The following PHACTR4 variants were observed in gnomAD, a reference collection of about 807,000 sequenced individuals.
PHACTR4 encodes the protein phosphatase and actin regulator 4.
A neutral mutation model predicts 72.7 loss-of-function variants in PHACTR4; 51 were observed. That is an observed-to-expected ratio of 0.70 (90% CI 0.56 to 0.89). The LOEUF is 0.89. PHACTR4 is among the 40% of genes least tolerant of loss of function. PHACTR4 has a pLI of 0.00. For missense variants in PHACTR4, 731 were observed against 861.8 expected (o/e 0.85, Z 1.90); for synonymous variants, 255 against 302.5 (o/e 0.84, Z 1.63).
rs1659915288 is a variant in PHACTR4 at position 28,476,306 on chromosome 1, G to A, written c.1606+15G>A. On this transcript the variant is annotated intron_variant, in intron 8 of 13. Transcript: ENST00000373839. ...AAGCTATCAGAGTAAGAAAGGGAGG[G>A]AAAAGCAAAACAGAGAATTCTTTTC... 3 of 1,574,190 alleles carry A rather than the reference G, an allele frequency of 1.9e-6. No homozygotes were observed. The highest frequency in any genetic ancestry group is 1.7e-6 in the Non-Finnish European group (2 of 1,165,260).
intron 6 of PHACTR4, among the ~76,000 whole-genome samples, chr1:28,470,625 A>G (rs1275369474): frequency 6.6e-6 from 1 of 151,620 alleles, no homozygotes; most frequent in East Asian, 1.9e-4. Context: ...GAGCCCAGGG[A>G]GGTCAAAATT....
At chr1:28,380,460 T>C (rs1478380143) in intron 1 of PHACTR4, among the ~76,000 whole-genome samples, 1 of 152,140 alleles carries the variant, frequency 6.6e-6, no homozygotes, top group Admixed American at 6.6e-5. Context: ...ACTCAGGTAT[T>C]AAGCCTAGTG....
At chr1:28,439,006 A>G (rs983185941) in intron 2 of PHACTR4, among the ~76,000 whole-genome samples, 7 of 152,196 alleles carry the variant, frequency 4.6e-5, no homozygotes, top group African/African-American at 1.7e-4. Context: ...ATAGCTAGAG[A>G]GCAAGCTGAT....
At chr1:28,449,520 C>A (rs1037952488) in intron 2 of PHACTR4, among the ~76,000 whole-genome samples, 8 of 151,984 alleles carry the variant, frequency 5.3e-5, no homozygotes, top group Non-Finnish European at 1.0e-4. Flanking sequence ...ATGAAAGGTG[C>A]TAAGTGGTTT....
intron 1 of PHACTR4, among the ~76,000 whole-genome samples, chr1:28,401,887 C>G (rs1030887434): frequency 6.6e-6 from 1 of 152,194 alleles, no homozygotes; most frequent in Admixed American, 6.6e-5. Context: ...CCATCAGCCA[C>G]TGCATCCAGC....
At chr1:28,399,264 G>C (rs1653768263) in intron 1 of PHACTR4, among the ~76,000 whole-genome samples, 1 of 151,000 alleles carries the variant, frequency 6.6e-6, no homozygotes, top group South Asian at 2.1e-4. Context: ...GTAAGCCAAG[G>C]TCATGCCACT....
chr1:28,379,721 C>T (rs2124133229), intron 1 of PHACTR4, among the ~76,000 whole-genome samples: 1 of 151,756 alleles, frequency 6.6e-6, no homozygotes, highest in Non-Finnish European at 1.5e-5. Flanking sequence ...TCCCGAGTAG[C>T]TGGGACTACA....
At chr1:28,458,637 A>G (rs1310350257) in intron 2 of PHACTR4, among the ~76,000 whole-genome samples, 1 of 152,216 alleles carries the variant, frequency 6.6e-6, no homozygotes, top group Non-Finnish European at 1.5e-5. Context: ...TAAGTAAGGT[A>G]CTAACAATGT....
intron 2 of PHACTR4, among the ~76,000 whole-genome samples, chr1:28,443,332 A>G (rs1657186808): frequency 6.6e-6 from 1 of 151,710 alleles, no homozygotes; most frequent in Admixed American, 6.6e-5. Context: ...CCGAGGCTGG[A>G]GTGCAGTGGC....
intron 2 of PHACTR4, among the ~76,000 whole-genome samples, chr1:28,423,379 A>T (rs1006946115): frequency 3.3e-5 from 5 of 151,980 alleles, no homozygotes; most frequent in Admixed American, 3.3e-4. Flanking sequence ...ACTACACTCC[A>T]GCCTGGGCAA....
intron 1 of PHACTR4, among the ~76,000 whole-genome samples, chr1:28,393,360 A>G (rs1653209402): frequency 6.6e-6 from 1 of 152,214 alleles, no homozygotes; most frequent in Non-Finnish European, 1.5e-5. Flanking sequence ...GCAAACCACT[A>G]TAGTAGGCTC....
intron 2 of PHACTR4, among the ~76,000 whole-genome samples, chr1:28,450,198 A>G (rs149391232): frequency 6.9e-4 from 105 of 152,238 alleles, no homozygotes; most frequent in African/African-American, 2.5e-3. Flanking sequence ...TACATGACTC[A>G]AAGAAAAAGG....
intron 1 of PHACTR4, among the ~76,000 whole-genome samples, chr1:28,395,703 C>T (rs1297256351): frequency 4.8e-5 from 7 of 146,542 alleles, no homozygotes; most frequent in African/African-American, 1.8e-4. Flanking sequence ...GCAATGGCAC[C>T]ATCTTGGCTC....
intron 1 of PHACTR4, among the ~76,000 whole-genome samples, chr1:28,390,078 A>G (rs937676129): frequency 3.9e-5 from 6 of 152,208 alleles, no homozygotes; most frequent in African/African-American, 1.4e-4. Flanking sequence ...ACATGGATGA[A>G]CTTAGAGGAT....
At chr1:28,388,318 A>G (rs963810647) in intron 1 of PHACTR4, among the ~76,000 whole-genome samples, 1 of 152,232 alleles carries the variant, frequency 6.6e-6, no homozygotes, top group African/African-American at 2.4e-5. Flanking sequence ...CTTATTTCAA[A>G]ATATGCGACA....
intron 1 of PHACTR4, among the ~76,000 whole-genome samples, chr1:28,376,101 T>C (rs1569724410): frequency 1.3e-5 from 2 of 151,700 alleles, no homozygotes; most frequent in South Asian, 4.2e-4. Flanking sequence ...AAAAAAACTT[T>C]CACAGCCGTG....
rs1018444124 is a variant in PHACTR4 at position 28,497,856 on chromosome 1, A to C, written c.*1307A>C. ...AAAAAGTAAAAAAAATTAGCCGGGCATGGTGGCTTGTGCCTTGTAGTCCCA... is the reference window on the plus strand; with the variant it reads ...AAAAAGTAAAAAAAATTAGCCGGGCCTGGTGGCTTGTGCCTTGTAGTCCCA... On this transcript the variant is annotated 3_prime_UTR_variant, in exon 14 of 14. Coordinates refer to ENST00000373839, the MANE Select transcript of PHACTR4 (RefSeq NM_001048183.3). 1.3e-5 allele frequency: 2 copies of C among 152,090 alleles called. No individual in the cohort carries two copies. The highest frequency in any genetic ancestry group is 4.8e-5 in the African/African-American group (2 of 41,412). 9.4% of individuals were successfully genotyped at this position (152,090 alleles called of 1,614,324 possible). A position where few individuals can be genotyped will look rare whatever the true frequency, so the allele number is the denominator to read the frequency against.
intron 1 of PHACTR4, among the ~76,000 whole-genome samples, chr1:28,371,002 G>A (rs1227769400): frequency 6.6e-6 from 1 of 152,190 alleles, no homozygotes; most frequent in Non-Finnish European, 1.5e-5. Context: ...ACCGGAAACC[G>A]CGGAACTGCG....
Position 28,407,393 on chromosome 1 carries a change from C to A in PHACTR4, c.-38-17C>A. 6.8e-7 allele frequency: 1 copy of A among 1,465,300 alleles called. No homozygotes were observed. The highest frequency in any genetic ancestry group is 9.5e-7 in the Non-Finnish European group (1 of 1,053,306). 90.8% of individuals were successfully genotyped at this position (1,465,300 alleles called of 1,614,324 possible). On this transcript the variant is annotated splice_polypyrimidine_tract_variant and intron_variant, in intron 1 of 13. Transcript: ENST00000373839. ...CTATATGTATTAAGTGTATCATTTA[C>A]CTTTTTCTCTTTTTAGAAACAGTAT...
Sources: allele counts gnomAD v4.1 joint callset (sites outside exome capture counted in the v4.1 genomes callset), GRCh38; gene constraint gnomAD v4.1.1; transcripts MANE v1.5; gene names NCBI Gene and HGNC (gene_info 2026-07-23, HGNC 2026-07-21).